The following NKAIN3 variants were observed in gnomAD, a reference collection of about 807,000 sequenced individuals.
NKAIN3 encodes the protein sodium/potassium-transporting ATPase subunit beta-1-interacting protein 3.
NKAIN3 carries 25 observed loss-of-function variants against 30.2 expected under a neutral mutation model. That is an observed-to-expected ratio of 0.83 (90% CI 0.60 to 1.16). NKAIN3 has a LOEUF of 1.16. Among genes scored for constraint, NKAIN3 ranks in the 50% most tolerant of loss-of-function variants. NKAIN3 has a pLI of 0.00. For missense variants in NKAIN3, 225 were observed against 254.1 expected (o/e 0.89, Z 0.78); for synonymous variants, 91 against 89.6 (o/e 1.02, Z -0.09).
chr8:62,512,695 A>G (rs1302083034), intron 1 of NKAIN3, among the ~76,000 whole-genome samples: 1 of 151,816 alleles, frequency 6.6e-6, no homozygotes, highest in Non-Finnish European at 1.5e-5. Flanking sequence ...TGTACTTAGC[A>G]GTGAACAAAC....
chr8:62,849,872 G>C (rs1179778965), intron 4 of NKAIN3, among the ~76,000 whole-genome samples: 2 of 152,018 alleles, frequency 1.3e-5, no homozygotes, highest in Admixed American at 1.3e-4. Flanking sequence ...CATTTGGCTT[G>C]GTTCCAAGTC....
At chr8:62,369,762 G>T (rs1816850470) in intron 1 of NKAIN3, among the ~76,000 whole-genome samples, 2 of 145,000 alleles carry the variant, frequency 1.4e-5, no homozygotes, top group East Asian at 2.0e-4. Context: ...CAAGTCTGTT[G>T]TTTTTTTTTT....
intron 4 of NKAIN3, among the ~76,000 whole-genome samples, chr8:62,770,623 G>A: frequency 6.6e-6 from 1 of 152,066 alleles, no homozygotes; most frequent in African/African-American, 2.4e-5. Flanking sequence ...TTGGCGGTTA[G>A]GATTTTAACA....
At chr8:62,474,642 A>G (rs912616675) in intron 1 of NKAIN3, among the ~76,000 whole-genome samples, 2 of 152,226 alleles carry the variant, frequency 1.3e-5, no homozygotes, top group African/African-American at 4.8e-5. Context: ...AAACAATATC[A>G]TCAATCTAAA....
At chr8:62,586,530 A>G (rs1035403675) in intron 2 of NKAIN3, among the ~76,000 whole-genome samples, 32 of 152,302 alleles carry the variant, frequency 2.1e-4, no homozygotes, top group African/African-American at 7.7e-4. Flanking sequence ...TGAGCAAGAA[A>G]CTTACTCTAC....
At chr8:62,735,831 A>G (rs1158475290) in intron 3 of NKAIN3, among the ~76,000 whole-genome samples, 1 of 130,286 alleles carries the variant, frequency 7.7e-6, no homozygotes, top group East Asian at 2.1e-4. Flanking sequence ...CCATGGTGTG[A>G]CTCCTTCATG....
At chr8:62,415,684 T>A (rs1300515420) in intron 1 of NKAIN3, among the ~76,000 whole-genome samples, 1 of 151,382 alleles carries the variant, frequency 6.6e-6, no homozygotes, top group Non-Finnish European at 1.5e-5. Flanking sequence ...TCTACATTTA[T>A]AAACTATAGA....
At chr8:62,890,421 C>G (rs11993827) in intron 4 of NKAIN3, among the ~76,000 whole-genome samples, 212 of 152,350 alleles carry the variant, frequency 1.4e-3, no homozygotes, top group African/African-American at 4.9e-3. Flanking sequence ...TGCCTACATG[C>G]AGGATGCAGG....
chr8:62,591,399 T>G (rs990593310), intron 3 of NKAIN3, among the ~76,000 whole-genome samples: 3 of 151,916 alleles, frequency 2.0e-5, no homozygotes, highest in Non-Finnish European at 2.9e-5. Context: ...ATAATAATAG[T>G]AGTCAGTGTT....
intron 1 of NKAIN3, among the ~76,000 whole-genome samples, chr8:62,503,567 G>A (rs755802147): frequency 3.3e-5 from 5 of 152,010 alleles, no homozygotes; most frequent in South Asian, 2.1e-4. Flanking sequence ...AGACCAGGGC[G>A]TATCTCAGTC....
At chr8:62,924,993 C>G (rs73262863) in intron 5 of NKAIN3, among the ~76,000 whole-genome samples, 2,995 of 152,020 alleles carry the variant, frequency 0.02, 105 homozygotes, top group African/African-American at 0.064. Flanking sequence ...TAGGTTTCAA[C>G]ATATGAATTG....
At chr8:62,995,342 G>A (rs541941083) in intron 5 of NKAIN3, among the ~76,000 whole-genome samples, 2 of 152,290 alleles carry the variant, frequency 1.3e-5, no homozygotes, top group South Asian at 2.1e-4. Flanking sequence ...TATTCAAAAT[G>A]GCTGCATGGT....
intron 3 of NKAIN3, among the ~76,000 whole-genome samples, chr8:62,620,064 G>A (rs62509503): frequency 0.26 from 40,124 of 151,970 alleles, 5,844 homozygotes; most frequent in African/African-American, 0.39. Flanking sequence ...AGAAAATGAA[G>A]ACCCAAAGAA....
intron 1 of NKAIN3, among the ~76,000 whole-genome samples, chr8:62,514,658 T>C (rs1286601237): frequency 2.0e-5 from 3 of 152,140 alleles, no homozygotes; most frequent in Non-Finnish European, 2.9e-5. Context: ...GAGTTAGTCA[T>C]GGCAAAGTGA....
At chr8:62,541,562 GAGA>G (rs1322815254) in intron 1 of NKAIN3, among the ~76,000 whole-genome samples, 2 of 152,040 alleles carry the variant, frequency 1.3e-5, no homozygotes, top group African/African-American at 2.4e-5. Flanking sequence ...CTTGTGCTCT[GAGA>G]AGGTCTATTA....
At chr8:62,757,879 T>A (rs1816506739) in intron 4 of NKAIN3, among the ~76,000 whole-genome samples, 2 of 152,102 alleles carry the variant, frequency 1.3e-5, no homozygotes, top group Admixed American at 1.3e-4. Flanking sequence ...TTGCAGTAAG[T>A]CAAATAAGGA....
chr8:62,303,991 C>T (rs1814138835), intron 1 of NKAIN3, among the ~76,000 whole-genome samples: 1 of 150,530 alleles, frequency 6.6e-6, no homozygotes, highest in Non-Finnish European at 1.5e-5. Context: ...TTGCCAGGAG[C>T]AGGGAAGTAG....
intron 1 of NKAIN3, among the ~76,000 whole-genome samples, chr8:62,443,249 T>C (rs2129598347): frequency 6.6e-6 from 1 of 152,248 alleles, no homozygotes; most frequent in Non-Finnish European, 1.5e-5. Flanking sequence ...TTTTTGTATT[T>C]CAAGTATAGA....
chr8:62,604,495 A>G (rs1034165892), intron 3 of NKAIN3, among the ~76,000 whole-genome samples: 5 of 152,142 alleles, frequency 3.3e-5, no homozygotes, highest in Admixed American at 6.6e-5. Flanking sequence ...TCATCCCACT[A>G]CAGAAACCAG....
Sources: gnomAD v4.1 joint callset for allele counts (sites outside exome capture counted in the v4.1 genomes callset) on GRCh38, gnomAD v4.1.1 for gene constraint, MANE v1.5 for transcripts, NCBI Gene and HGNC (gene_info 2026-07-23, HGNC 2026-07-21) for gene names.